The following DOCK2 variants were observed in gnomAD, a reference collection of about 807,000 sequenced individuals.
DOCK2 encodes the protein dedicator of cytokinesis 2, also known as dedicator of cytokinesis protein 2.
In DOCK2, 87 loss-of-function variants were observed where a neutral mutation model predicts 248.9. The ratio of observed to expected loss-of-function variants is 0.35; its 90% CI spans 0.29 to 0.42. The LOEUF (loss-of-function observed/expected upper bound fraction) is 0.42, where lower values mean the gene tolerates loss of function less well. Ranked by LOEUF, DOCK2 falls within the 10% of genes least tolerant of loss-of-function variation. The pLI is 1.00. For synonymous variants in DOCK2, 805 were observed against 821.6 expected (o/e 0.98, Z 0.35); for missense variants, 1,747 against 2,300.2 (o/e 0.76, Z 4.92).
chr5:170,070,088 G>A (rs1466753246), intron 46 of DOCK2, among the ~76,000 whole-genome samples: 1 of 152,252 alleles, frequency 6.6e-6, no homozygotes, highest in African/African-American at 2.4e-5. Context: ...TCCAGGCCCA[G>A]AGCAGCCCCC....
chr5:169,678,250 A>G (rs922883043), intron 6 of DOCK2, among the ~76,000 whole-genome samples: 6 of 151,932 alleles, frequency 3.9e-5, no homozygotes, highest in African/African-American at 9.7e-5. Flanking sequence ...TCAAGGTTAC[A>G]TCTTCAGTCT....
chr5:170,063,547 GCAAA>G (rs1157062448), intron 44 of DOCK2, among the ~76,000 whole-genome samples: 1 of 152,182 alleles, frequency 6.6e-6, no homozygotes, highest in African/African-American at 2.4e-5. Flanking sequence ...AGCTAATAGG[GCAAA>G]CAAACAATAG....
intron 9 of DOCK2, among the ~76,000 whole-genome samples, chr5:169,693,313 G>T (rs1003734271): frequency 6.6e-6 from 1 of 152,124 alleles, no homozygotes; most frequent in Non-Finnish European, 1.5e-5. Context: ...TGTTTATGGA[G>T]CAATAAAGAA....
At chr5:169,718,586 T>C in intron 21 of DOCK2, 71 bp from the exon 22 acceptor site, 1 of 1,548,820 alleles carries the variant, frequency 6.5e-7, no homozygotes, top group Non-Finnish European at 8.8e-7. Context: ...ATTGAATGCC[T>C]TATAATTTAC....
chr5:170,056,720 C>T lies in DOCK2; in HGVS notation c.4332C>T (p.Tyr1444=). 1 of 1,614,134 alleles carries T rather than the reference C, an allele frequency of 6.2e-7. No individual in the cohort carries two copies. The highest frequency in any genetic ancestry group is 8.5e-7 in the Non-Finnish European group (1 of 1,179,992). Residue 1444 remains tyrosine (Y), a synonymous_variant, in exon 43 of 52, where the codon TAC becomes TAT. Transcript: ENST00000520908. Reference sequence around the variant, plus strand: ...CCAACTACGTGCAAAGGTTCCACTACTCCCGGCCCGTGCGCAGGGGGACCG... The same window carrying T: ...CCAACTACGTGCAAAGGTTCCACTATTCCCGGCCCGTGCGCAGGGGGACCG... ...YKSNYVQRFH[Y]SRPVRRGTVD... is the part of the protein sequence containing the mutation.
At chr5:169,641,372 C>T (rs1221089697) in intron 1 of DOCK2, among the ~76,000 whole-genome samples, 4 of 152,168 alleles carry the variant, frequency 2.6e-5, no homozygotes, top group East Asian at 1.9e-4. Context: ...ATAACCAGCT[C>T]GTGGTTCAGG....
intron 25 of DOCK2, among the ~76,000 whole-genome samples, chr5:169,789,092 A>T (rs1456249064): frequency 6.6e-6 from 1 of 152,102 alleles, no homozygotes; most frequent in Non-Finnish European, 1.5e-5. Context: ...AACATGTAGT[A>T]TCTGGTTTTC....
In DOCK2 at chr5:169,712,243, G is replaced by A; in HGVS notation, c.1659+20G>A. On this transcript the variant is annotated intron_variant, in intron 17 of 51. Transcript: ENST00000520908. Reference sequence around the variant, plus strand: ...CTCAAGGTACCATGAGTTGGAAGGAGCTCTGCACTGAGGGGAGTGCAGGAA... The same window carrying A: ...CTCAAGGTACCATGAGTTGGAAGGAACTCTGCACTGAGGGGAGTGCAGGAA... 1 of 1,610,800 alleles carries A rather than the reference G, an allele frequency of 6.2e-7. No homozygotes were observed. The highest frequency in any genetic ancestry group is 8.5e-7 in the Non-Finnish European group (1 of 1,177,128).
intron 2 of DOCK2, among the ~76,000 whole-genome samples, chr5:169,661,732 A>G (rs1437454284): frequency 1.3e-5 from 2 of 152,036 alleles, no homozygotes; most frequent in Non-Finnish European, 2.9e-5. Flanking sequence ...TGTGTCTGTC[A>G]TATTTCACTT....
intron 37 of DOCK2, 22 bp from the exon 38 acceptor site, chr5:170,041,991 T>G (rs1756533930): frequency 6.2e-7 from 1 of 1,611,514 alleles, no homozygotes. Flanking sequence ...CCTGTGTGAC[T>G]TCCTGTGTCT....
chr5:169,708,972 C>G (rs953890649), intron 15 of DOCK2, among the ~76,000 whole-genome samples: 1 of 152,228 alleles, frequency 6.6e-6, no homozygotes. Flanking sequence ...ATGGTGTGAC[C>G]TTGGGCAAGT....
At chr5:169,917,463 T>C (rs555529055) in intron 27 of DOCK2, among the ~76,000 whole-genome samples, 1 of 152,210 alleles carries the variant, frequency 6.6e-6, no homozygotes, top group Non-Finnish European at 1.5e-5. Context: ...TTAATTACTG[T>C]GACTATCAGT....
chr5:169,865,353 AG>A (rs1771480627), intron 27 of DOCK2, among the ~76,000 whole-genome samples: 1 of 152,134 alleles, frequency 6.6e-6, no homozygotes, highest in Non-Finnish European at 1.5e-5. Context: ...CCTGGCCTGT[AG>A]GGAGTGGGTG....
chr5:169,665,904 T>C (rs536741972), intron 2 of DOCK2, among the ~76,000 whole-genome samples: 2 of 152,332 alleles, frequency 1.3e-5, no homozygotes, highest in South Asian at 4.1e-4. Context: ...ATGTATTTGA[T>C]ATTGGTATTT....
At chr5:169,863,273 G>A (rs1771318041) in intron 27 of DOCK2, among the ~76,000 whole-genome samples, 1 of 152,220 alleles carries the variant, frequency 6.6e-6, no homozygotes, top group African/African-American at 2.4e-5. Flanking sequence ...CAGGAAGGGA[G>A]ACTGTGTCGA....
intron 27 of DOCK2, among the ~76,000 whole-genome samples, chr5:169,967,207 A>T (rs1262968136): frequency 6.6e-6 from 1 of 152,224 alleles, no homozygotes; most frequent in Non-Finnish European, 1.5e-5. Flanking sequence ...GCACAGGGAC[A>T]TGAGAACTCA....
In DOCK2 at chr5:169,711,885, G is replaced by A. The variant is rs113548664; in HGVS notation, c.1483-50G>A. On this transcript the variant is annotated intron_variant, in intron 15 of 51. Coordinates refer to ENST00000520908, the MANE Select transcript of DOCK2 (RefSeq NM_004946.3). ...GGAAGTGTGTAGGGGGGTGCAGTGG[G>A]GAGGGCCCTTTAACTCATTGTGTTC... 4,641 of 1,604,676 alleles carry A rather than the reference G, an allele frequency of 2.9e-3. 130 individuals carry two copies. In the African/African-American group the frequency reaches 0.056, roughly 19 times the overall value.
At chr5:169,864,282 C>T (rs1307283671) in intron 27 of DOCK2, 1 of 1,551,576 alleles carries the variant, frequency 6.4e-7, no homozygotes. Context: ...CTCAGATCCA[C>T]CAGAAGCATT....
chr5:169,907,913 G>A lies in DOCK2; in HGVS notation c.2799+67061G>A, dbSNP rs139851980. On this transcript the variant is annotated intron_variant, in intron 27 of 51. Coordinates refer to ENST00000520908, the MANE Select transcript of DOCK2 (RefSeq NM_004946.3). ...ACACAGGAACCGTTGGCCAGTCCGT[G>A]TCGGTAAACATCTCTTGTGCAGGCA... 1.2e-3 allele frequency among the ~76,000 whole-genome samples: 190 copies of A among 152,328 alleles called. 1 individual carries two copies. Among genetic ancestry groups the A allele is most frequent in the South Asian group, 4.6e-3 (22 of 4,818 alleles).
Sources: allele counts gnomAD v4.1 joint callset (sites outside exome capture counted in the v4.1 genomes callset), GRCh38; gene constraint gnomAD v4.1.1; transcripts MANE v1.5; gene names NCBI Gene and HGNC (gene_info 2026-07-23, HGNC 2026-07-21).